FRMD3: variants seen among roughly 807,000 people sequenced by gnomAD.
The protein encoded by FRMD3 is FERM domain containing 3.
FRMD3 carries 33 observed loss-of-function variants against 70.2 expected under a neutral mutation model. That is an observed-to-expected ratio of 0.47 (90% CI 0.36 to 0.63). The LOEUF is 0.63. Among genes scored for constraint, FRMD3 ranks in the 20% least tolerant of loss-of-function variants. FRMD3 has a pLI of 0.00. For synonymous variants in FRMD3, 279 were observed against 255.9 expected (o/e 1.09, Z -0.86); for missense variants, 632 against 711.4 (o/e 0.89, Z 1.27).
chr9:83,303,008 C>T (rs1323286230), intron 10 of FRMD3, among the ~76,000 whole-genome samples: 4 of 152,304 alleles, frequency 2.6e-5, no homozygotes, highest in South Asian at 2.1e-4. Context: ...TGCAGGAGCA[C>T]ACCTCCCCTC....
Position 83,311,977 on chromosome 9 carries a change from T to TAA in FRMD3, c.685-3_685-2insTT. The TAA allele has an allele frequency of 2.0e-6, 3 of 1,504,696 alleles. No homozygotes were observed. Among genetic ancestry groups the TAA allele is most frequent in the Non-Finnish European group, 2.7e-6 (3 of 1,132,018 alleles). 93.2% of individuals were successfully genotyped at this position (1,504,696 alleles called of 1,614,324 possible). ...AAATGTTGTTGTGCCTGTTGAATCC[T>TAA]GAAAAAAAAAAAAAAGAAAAAAGAA... On this transcript the variant is annotated splice_region_variant and splice_polypyrimidine_tract_variant and intron_variant, in intron 7 of 13. Coordinates refer to ENST00000304195, the MANE Select transcript of FRMD3 (RefSeq NM_174938.6).
chr9:83,332,148 A>G (rs138867563), intron 6 of FRMD3, among the ~76,000 whole-genome samples: 227 of 152,320 alleles, frequency 1.5e-3, no homozygotes, highest in Non-Finnish European at 2.7e-3. Context: ...AGCAAAATCT[A>G]ACTGATCTTG....
chr9:83,470,436 T>C (rs1286801250), intron 1 of FRMD3, among the ~76,000 whole-genome samples: 3 of 152,204 alleles, frequency 2.0e-5, no homozygotes, highest in Non-Finnish European at 4.4e-5. Context: ...AGAGGGTTGT[T>C]TTGAGATTTG....
At chr9:83,433,855 G>A (rs1396068719) in intron 1 of FRMD3, among the ~76,000 whole-genome samples, 2 of 152,216 alleles carry the variant, frequency 1.3e-5, no homozygotes, top group Admixed American at 6.5e-5. Flanking sequence ...GGGAGTGGCT[G>A]TAAATACAGA....
At chr9:83,412,723 G>A (rs1029526433) in intron 1 of FRMD3, among the ~76,000 whole-genome samples, 2 of 152,188 alleles carry the variant, frequency 1.3e-5, no homozygotes, top group African/African-American at 4.8e-5. Context: ...GGCCGGGCAC[G>A]GTGGCTCACG....
At chr9:83,327,261 G>A (rs536644731) in intron 6 of FRMD3, among the ~76,000 whole-genome samples, 2 of 152,320 alleles carry the variant, frequency 1.3e-5, no homozygotes, top group Admixed American at 1.3e-4. Context: ...ACATTTTGCT[G>A]CAACTTGGTT....
At chr9:83,307,738 A>G (rs1468448444) in intron 10 of FRMD3, among the ~76,000 whole-genome samples, 1 of 152,242 alleles carries the variant, frequency 6.6e-6, no homozygotes, top group Non-Finnish European at 1.5e-5. Context: ...GATAATGGCT[A>G]TATCACTTTG....
chr9:83,296,138 C>A (rs919618289), intron 12 of FRMD3, among the ~76,000 whole-genome samples: 8 of 152,206 alleles, frequency 5.3e-5, no homozygotes, highest in Non-Finnish European at 1.2e-4. Flanking sequence ...ACTACATTCT[C>A]ACTTTTGACA....
At chr9:83,440,943 A>G (rs2131393930) in intron 1 of FRMD3, among the ~76,000 whole-genome samples, 1 of 152,294 alleles carries the variant, frequency 6.6e-6, no homozygotes, top group African/African-American at 2.4e-5. Flanking sequence ...CTCCATTTGC[A>G]GTAGGTCTTG....
intron 1 of FRMD3, among the ~76,000 whole-genome samples, chr9:83,402,856 C>T (rs1825986608): frequency 6.6e-6 from 1 of 151,162 alleles, no homozygotes; most frequent in African/African-American, 2.4e-5. Flanking sequence ...TTTCTCATAG[C>T]CTTGAGATTC....
chr9:83,556,476 T>G, the FRMD3 span, among the ~76,000 whole-genome samples: 3 of 152,214 alleles, frequency 2.0e-5, no homozygotes, highest in Non-Finnish European at 2.9e-5. Context: ...TATTTGTCTT[T>G]CAGATGAATA....
chr9:83,406,752 G>T (rs897683262), intron 1 of FRMD3, among the ~76,000 whole-genome samples: 1 of 152,332 alleles, frequency 6.6e-6, no homozygotes. Flanking sequence ...GCCAGCATCG[G>T]TGAGGACACA....
rs772335339 is a variant in FRMD3, at chr9:83,246,005, C to A, written c.*1913G>T. On this transcript the variant is annotated 3_prime_UTR_variant, in exon 14 of 14. Transcript: ENST00000304195. ...CACTGAAAGCATATAGGAAAGGAAA[C>A]CCCTCAAACTTAATGGCAAATATAT... 2.3e-5 allele frequency: 23 copies of A among 985,034 alleles called. No homozygotes were observed. Among genetic ancestry groups the A allele is most frequent in the Non-Finnish European group, 2.7e-5 (22 of 829,788 alleles). 61.0% of individuals were successfully genotyped at this position (985,034 alleles called of 1,614,324 possible). A position where few individuals can be genotyped will look rare whatever the true frequency, so the allele number is the denominator to read the frequency against.
intron 1 of FRMD3, among the ~76,000 whole-genome samples, chr9:83,509,854 T>C (rs554476109): frequency 6.6e-6 from 1 of 152,116 alleles, no homozygotes; most frequent in South Asian, 2.1e-4. Flanking sequence ...CTAGAAAAGA[T>C]GGAAAACGCA....
At chr9:83,424,090 C>G (rs1301013664) in intron 1 of FRMD3, among the ~76,000 whole-genome samples, 2 of 152,072 alleles carry the variant, frequency 1.3e-5, no homozygotes, top group Non-Finnish European at 2.9e-5. Flanking sequence ...ATGGAGTAGT[C>G]TGGGGAGGGG....
intron 12 of FRMD3, among the ~76,000 whole-genome samples, chr9:83,292,389 T>G (rs1203091953): frequency 6.6e-6 from 1 of 152,114 alleles, no homozygotes; most frequent in Non-Finnish European, 1.5e-5. Context: ...CTTCATCTTC[T>G]GACCTCATGA....
chr9:83,449,084 T>G (rs1011638792), intron 1 of FRMD3, among the ~76,000 whole-genome samples: 1 of 152,152 alleles, frequency 6.6e-6, no homozygotes, highest in African/African-American at 2.4e-5. Flanking sequence ...GGGGATGTCC[T>G]AGGGGTCTCA....
At chr9:83,444,732 G>A (rs1827405858) in intron 1 of FRMD3, among the ~76,000 whole-genome samples, 1 of 152,232 alleles carries the variant, frequency 6.6e-6, no homozygotes, top group African/African-American at 2.4e-5. Context: ...TTTGCTGTAA[G>A]ATGCTCTTGA....
intron 8 of FRMD3, among the ~76,000 whole-genome samples, chr9:83,311,638 G>C (rs1436235664): frequency 6.6e-6 from 1 of 152,046 alleles, no homozygotes; most frequent in Non-Finnish European, 1.5e-5. Flanking sequence ...TACTGGTGAG[G>C]AAACACTGGA....
Sources: gnomAD v4.1 joint callset for allele counts (sites outside exome capture counted in the v4.1 genomes callset) on GRCh38, gnomAD v4.1.1 for gene constraint, MANE v1.5 for transcripts, NCBI Gene and HGNC (gene_info 2026-07-23, HGNC 2026-07-21) for gene names.